The following MALRD1 variants were observed in gnomAD, a reference collection of about 807,000 sequenced individuals.
MALRD1 encodes MAM and LDL receptor class A domain containing 1.
A neutral mutation model predicts 242.1 loss-of-function variants in MALRD1; 247 were observed. The ratio of observed to expected loss-of-function variants is 1.02; its 90% CI spans 0.92 to 1.13. MALRD1 has a LOEUF of 1.13. Among genes scored for constraint, MALRD1 ranks in the 50% most tolerant of loss-of-function variants. The pLI, the probability that MALRD1 is intolerant of heterozygous loss-of-function variation, is 0.00. For synonymous variants in MALRD1, 995 were observed against 866.6 expected (o/e 1.15, Z -2.60); for missense variants, 2,989 against 2,533.1 (o/e 1.18, Z -3.86).
At chr10:19,370,758 G>T (rs1203513821) in intron 26 of MALRD1, among the ~76,000 whole-genome samples, 1 of 151,818 alleles carries the variant, frequency 6.6e-6, no homozygotes, top group Non-Finnish European at 1.5e-5. Flanking sequence ...TGTTTATTTT[G>T]TAGAGACTCG....
chr10:19,099,113 A>G (rs1588540731), intron 4 of MALRD1, among the ~76,000 whole-genome samples: 1 of 152,104 alleles, frequency 6.6e-6, no homozygotes, highest in African/African-American at 2.4e-5. Flanking sequence ...CGGAGCTTCT[A>G]TATTGGTTAT....
chr10:19,206,258 T>C (rs1299812622), intron 17 of MALRD1, among the ~76,000 whole-genome samples: 2 of 152,094 alleles, frequency 1.3e-5, no homozygotes, highest in African/African-American at 2.4e-5. Flanking sequence ...GTTTTGCCTA[T>C]GTGTAATCTT....
At chr10:19,384,462 T>C (rs1845983014) in intron 26 of MALRD1, among the ~76,000 whole-genome samples, 2 of 116,592 alleles carry the variant, frequency 1.7e-5, no homozygotes, top group Admixed American at 2.3e-4. Flanking sequence ...TATAATATAA[T>C]ATATACTATA....
chr10:19,389,057 A>C (rs929620791), intron 27 of MALRD1: 34 of 337,258 alleles, frequency 1.0e-4, no homozygotes, highest in Admixed American at 2.3e-4. Context: ...ATATTTACAC[A>C]CTCAAGAGAT....
At chr10:19,199,463 A>C (rs1836424073) in intron 14 of MALRD1, among the ~76,000 whole-genome samples, 1 of 152,186 alleles carries the variant, frequency 6.6e-6, no homozygotes, top group South Asian at 2.1e-4. Flanking sequence ...GCACTGAAAA[A>C]TTACATGTCA....
chr10:19,064,324 C>T (rs375041638), intron 1 of MALRD1, among the ~76,000 whole-genome samples: 3 of 152,072 alleles, frequency 2.0e-5, no homozygotes, highest in South Asian at 2.1e-4. Context: ...TTTATTACAG[C>T]GGATAGTTTC....
intron 2 of MALRD1, among the ~76,000 whole-genome samples, chr10:19,069,190 A>G (rs990575976): frequency 2.6e-5 from 4 of 152,046 alleles, no homozygotes; most frequent in Admixed American, 6.6e-5. Context: ...ATTTCCCATT[A>G]TGCCACAGAT....
At chr10:19,664,571 C>T (rs1029550974) in intron 36 of MALRD1, among the ~76,000 whole-genome samples, 1 of 151,926 alleles carries the variant, frequency 6.6e-6, no homozygotes, top group Admixed American at 6.6e-5. Flanking sequence ...TTAAAGGCTT[C>T]ACAGAATAAC....
intron 29 of MALRD1, among the ~76,000 whole-genome samples, chr10:19,456,008 G>A (rs887279014): frequency 6.6e-6 from 1 of 152,124 alleles, no homozygotes; most frequent in African/African-American, 2.4e-5. Flanking sequence ...GGACCTCAGG[G>A]TAGAATCCAA....
intron 26 of MALRD1, among the ~76,000 whole-genome samples, chr10:19,353,809 C>T (rs185269891): frequency 9.2e-5 from 14 of 152,040 alleles, no homozygotes; most frequent in East Asian, 5.8e-4. Context: ...ATTATTTGAT[C>T]GTAATAAAAA....
intron 32 of MALRD1, among the ~76,000 whole-genome samples, chr10:19,555,321 C>T (rs1167607666): frequency 6.6e-6 from 1 of 152,094 alleles, no homozygotes; most frequent in Non-Finnish European, 1.5e-5. Flanking sequence ...AGGGGACAAA[C>T]ATCTAAACCC....
chr10:19,049,649 G>A (rs529677632), intron 1 of MALRD1, among the ~76,000 whole-genome samples: 2 of 152,274 alleles, frequency 1.3e-5, no homozygotes, highest in Admixed American at 6.5e-5. Flanking sequence ...GTAGTAGAAG[G>A]GCACAAGCTT....
chr10:19,313,813 G>A (rs1842530285), intron 21 of MALRD1, among the ~76,000 whole-genome samples: 1 of 151,362 alleles, frequency 6.6e-6, no homozygotes, highest in Non-Finnish European at 1.5e-5. Context: ...ATACAATATT[G>A]AAACAGGAAC....
At position 19,491,652 on chromosome 10, in the gene MALRD1, T is replaced by C; in HGVS notation, c.5158+7T>C. ...TCTGATGAAGCTCACTGTGGTAAGT[T>C]TATCTATCTGCTGTATGGCAGCCAG... On this transcript the variant is annotated splice_region_variant and intron_variant, in intron 30 of 39. Coordinates refer to ENST00000454679, the MANE Select transcript of MALRD1 (RefSeq NM_001142308.3). 1 of 1,548,296 alleles carries C rather than the reference T, an allele frequency of 6.5e-7. No homozygotes were observed. The highest frequency in any genetic ancestry group is 1.4e-5 in the African/African-American group (1 of 73,144).
chr10:19,707,322 T>C (rs1833912530), intron 38 of MALRD1, among the ~76,000 whole-genome samples: 1 of 152,138 alleles, frequency 6.6e-6, no homozygotes, highest in South Asian at 2.1e-4. Context: ...TGATTTCACT[T>C]TATTCTGACC....
At chr10:19,658,938 T>C (rs1471779662) in intron 36 of MALRD1, among the ~76,000 whole-genome samples, 1 of 152,174 alleles carries the variant, frequency 6.6e-6, no homozygotes, top group Non-Finnish European at 1.5e-5. Flanking sequence ...GAAAAATCAA[T>C]TGAGCCAGAC....
rs57449195 is a variant in MALRD1, at chr10:19,165,242, AAT to A, written c.1657-372_1657-371del. On this transcript the variant is annotated intron_variant, in intron 12 of 39. Coordinates refer to ENST00000454679, the MANE Select transcript of MALRD1 (RefSeq NM_001142308.3). Reference sequence around the variant, plus strand: ...TATATTTAACACAGAAGTTGTTTGGAATATATATATATATATATATATATTTT... The same window carrying A: ...TATATTTAACACAGAAGTTGTTTGGAATATATATATATATATATATATTTT... Among the ~76,000 whole-genome samples, 90 of 69,720 alleles carry A rather than the reference AAT, an allele frequency of 1.3e-3. 6 individuals are homozygous for A. Among genetic ancestry groups the A allele is most frequent in the East Asian group, 2.5e-3 (6 of 2,382 alleles). The allele number at this position is 69,720 out of a possible 152,430, so 45.7% of individuals were successfully genotyped here.
intron 21 of MALRD1, among the ~76,000 whole-genome samples, chr10:19,319,797 G>A (rs530929704): frequency 6.6e-5 from 10 of 151,994 alleles, no homozygotes; most frequent in Non-Finnish European, 1.2e-4. Context: ...TGCGTAATAA[G>A]ATGATCACCT....
At chr10:19,399,160 G>A (rs947585362) in intron 28 of MALRD1, among the ~76,000 whole-genome samples, 2 of 152,046 alleles carry the variant, frequency 1.3e-5, no homozygotes, top group African/African-American at 2.4e-5. Context: ...CTGTCCATTT[G>A]CCCACGGAAA....
Sources: allele counts gnomAD v4.1 joint callset (sites outside exome capture counted in the v4.1 genomes callset), GRCh38; gene constraint gnomAD v4.1.1; transcripts MANE v1.5; gene names NCBI Gene and HGNC (gene_info 2026-07-23, HGNC 2026-07-21).